LIN9: variants seen among roughly 807,000 people sequenced by gnomAD.
LIN9 encodes the protein protein lin-9 homolog.
LIN9 carries 18 observed loss-of-function variants against 78.0 expected under a neutral mutation model. The observed-to-expected ratio is 0.23, with a 90% CI of 0.16 to 0.34. LIN9 has a LOEUF of 0.34. LIN9 is among the 10% of genes least tolerant of loss of function. The pLI is 1.00. For missense variants in LIN9, 451 were observed against 644.1 expected (o/e 0.70, Z 3.25); for synonymous variants, 192 against 215.2 (o/e 0.89, Z 0.94).
intron 8 of LIN9, 34 bp downstream of exon 8, chr1:226,267,923 A>G (rs1336202964): frequency 6.3e-7 from 1 of 1,595,854 alleles, no homozygotes; most frequent in South Asian, 1.1e-5. Flanking sequence ...TTTAACAGGC[A>G]TAAAACACAA....
rs200174270 is a variant in LIN9, at chr1:226,257,659, GA to G, written c.1039-6741del. 4.2e-3 allele frequency among the ~76,000 whole-genome samples: 631 copies of G among 149,976 alleles called. 26 individuals are homozygous for G. The South Asian group carries it at 0.076, about 18-fold the overall frequency. ...GGGCAACCATTAAAGAAAGCTAAAA[GA>G]AAAAAAAGTATAACCTATATGCTAA... is the stretch of plus-strand genomic sequence containing the variant. On this transcript the variant is annotated intron_variant, in intron 10 of 14. Transcript: ENST00000681046.
chr1:226,250,430 C>T (rs1220569654), intron 11 of LIN9, among the ~76,000 whole-genome samples: 1 of 152,190 alleles, frequency 6.6e-6, no homozygotes, highest in South Asian at 2.1e-4. Context: ...TCCTATTCAA[C>T]TGTACAGTCA....
chr1:226,237,435 C>T (rs1453311895), intron 12 of LIN9, among the ~76,000 whole-genome samples: 1 of 151,372 alleles, frequency 6.6e-6, no homozygotes, highest in Admixed American at 6.6e-5. Context: ...GAGTTTGAGA[C>T]CAGCCTCATC....
chr1:226,291,331 C>T (rs1038879031), intron 4 of LIN9, among the ~76,000 whole-genome samples: 1 of 151,994 alleles, frequency 6.6e-6, no homozygotes. Flanking sequence ...ATCCGATTAT[C>T]TCAATCAATC....
rs1661380914 is a variant in LIN9 at position 226,286,381 on chromosome 1, G to A, written c.476C>T (p.Thr159Ile). The A allele has an allele frequency of 6.2e-7, 1 of 1,612,462 alleles. No individual in the cohort carries two copies. The highest frequency in any genetic ancestry group is 8.5e-7 in the Non-Finnish European group (1 of 1,179,484). ...CCGAATTTTTCCCCATTCTACTCTT[G>A]TTAACTTTCTTGTTTTCAAATTAGG... ...SFPNLKTRKL[T>I]RVEWGKIRRL... The change falls in exon 6 of 15, where the codon ACA becomes ATA. Residue 159 changes from threonine to isoleucine, a missense_variant. By Grantham distance (89) the Thr-to-Ile change is moderately conservative. Coordinates refer to ENST00000681046, the MANE Select transcript of LIN9 (RefSeq NM_001366245.2).
intron 6 of LIN9, among the ~76,000 whole-genome samples, chr1:226,285,686 G>A (rs1294210641): frequency 3.3e-5 from 5 of 152,120 alleles, no homozygotes; most frequent in Non-Finnish European, 7.4e-5. Flanking sequence ...CACATGAAGA[G>A]CAATTCTCAG....
At position 226,241,824 on chromosome 1, in the gene LIN9, C is replaced by T. The variant is rs537656257; in HGVS notation, c.1120-2728G>A. The stretch of plus-strand genomic sequence containing the variant: ...AGTGAACTGAGATCGCGCCACTGCA[C>T]TCCAGCCTGGGCGACAGAGCGAGAC... On this transcript the variant is annotated intron_variant, in intron 11 of 14. Coordinates refer to ENST00000681046, the MANE Select transcript of LIN9 (RefSeq NM_001366245.2). 2.4e-3 allele frequency among the ~76,000 whole-genome samples: 361 copies of T among 151,728 alleles called. 3 individuals are homozygous for T. In the South Asian group the frequency reaches 0.029, roughly 12 times the overall value.
At chr1:226,270,230 C>G (rs959000748) in intron 7 of LIN9, among the ~76,000 whole-genome samples, 1 of 151,940 alleles carries the variant, frequency 6.6e-6, no homozygotes, top group Non-Finnish European at 1.5e-5. Flanking sequence ...CCAGCCCTGA[C>G]CACTAAATTA....
intron 10 of LIN9, among the ~76,000 whole-genome samples, chr1:226,258,167 T>G (rs1365166370): frequency 1.4e-5 from 2 of 141,410 alleles, no homozygotes; most frequent in Non-Finnish European, 3.0e-5. Context: ...AGGGAGACCC[T>G]GTTCTCAAAA....
In LIN9 at chr1:226,231,566, C is replaced by G. The variant is rs1308454543; in HGVS notation, c.*935G>C. On this transcript the variant is annotated 3_prime_UTR_variant, in exon 15 of 15. Transcript: ENST00000681046. The stretch of plus-strand genomic sequence containing the variant: ...TCCTAAAAAAGAAAAACAACCAAAA[C>G]AAGCCTTTCTTCTGCATTTCACAGC... 1 of 152,490 alleles carries G rather than the reference C, an allele frequency of 6.6e-6. No individual in the cohort carries two copies. The highest frequency in any genetic ancestry group is 1.5e-5 in the Non-Finnish European group (1 of 68,006). The allele number at this position is 152,490 out of a possible 1,614,324, so 9.4% of individuals were successfully genotyped here. A position where few individuals can be genotyped will look rare whatever the true frequency, so the allele number is the denominator to read the frequency against.
chr1:226,240,640 T>C lies in LIN9; in HGVS notation c.1120-1544A>G, dbSNP rs139431658. Among the ~76,000 whole-genome samples, 1,099 of 152,168 alleles carry C rather than the reference T, an allele frequency of 7.2e-3. 19 individuals carry two copies. The highest frequency in any genetic ancestry group is 0.025 in the African/African-American group (1,048 of 41,514). On this transcript the variant is annotated intron_variant, in intron 11 of 14. Coordinates refer to ENST00000681046, the MANE Select transcript of LIN9 (RefSeq NM_001366245.2). ...CTGACCTCAAGTGATCTGCCTGCCTTGGCCTCCCTAAGTGCTGGGATTACA... is the reference window on the plus strand; with the variant it reads ...CTGACCTCAAGTGATCTGCCTGCCTCGGCCTCCCTAAGTGCTGGGATTACA...
At chr1:226,239,842 T>C (rs1184080290) in intron 11 of LIN9, among the ~76,000 whole-genome samples, 3 of 152,192 alleles carry the variant, frequency 2.0e-5, no homozygotes, top group African/African-American at 7.2e-5. Flanking sequence ...TTCCAATAAA[T>C]TATACTCTCC....
At chr1:226,285,111 G>GA (rs1482584917) in intron 6 of LIN9, among the ~76,000 whole-genome samples, 1 of 152,080 alleles carries the variant, frequency 6.6e-6, no homozygotes, top group African/African-American at 2.4e-5. Context: ...TAAGAGAATA[G>GA]AAGATCAATT....
chr1:226,308,229 T>C (rs1466254605), intron 1 of LIN9, among the ~76,000 whole-genome samples: 1 of 152,216 alleles, frequency 6.6e-6, no homozygotes, highest in Non-Finnish European at 1.5e-5. Context: ...AAAATTAAGT[T>C]CCATTGCCCT....
At position 226,253,952 on chromosome 1, in the gene LIN9, G is replaced by A. The variant is rs185714161; in HGVS notation, c.1039-3033C>T. ...AAAGAAAGAAAGAAATAATAAGGCCGGGTGTGGTAGCTTATAGCTACCCAG... is the reference window on the plus strand; with the variant it reads ...AAAGAAAGAAAGAAATAATAAGGCCAGGTGTGGTAGCTTATAGCTACCCAG... On this transcript the variant is annotated intron_variant, in intron 10 of 14. Transcript: ENST00000681046. Among the ~76,000 whole-genome samples, 671 of 152,096 alleles carry A rather than the reference G, an allele frequency of 4.4e-3. 5 individuals are homozygous for A. The highest frequency in any genetic ancestry group is 0.015 in the African/African-American group (635 of 41,516).
chr1:226,253,524 A>G (rs1490874032), intron 10 of LIN9, among the ~76,000 whole-genome samples: 1 of 149,862 alleles, frequency 6.7e-6, no homozygotes, highest in African/African-American at 2.4e-5. Context: ...GAACTTCCTG[A>G]CCTCAGGTGA....
intron 4 of LIN9, among the ~76,000 whole-genome samples, chr1:226,288,878 A>AT (rs1358690879): frequency 2.0e-5 from 3 of 151,894 alleles, no homozygotes; most frequent in Middle Eastern, 3.4e-3. Context: ...TGCCAACAGG[A>AT]TTTTTTTTTC....
At chr1:226,237,825 C>T (rs991716435) in intron 12 of LIN9, among the ~76,000 whole-genome samples, 2 of 144,158 alleles carry the variant, frequency 1.4e-5, no homozygotes, top group Non-Finnish European at 1.5e-5. Context: ...TGGTGGTGCA[C>T]AGCTGTAATC....
chr1:226,274,104 A>AT, intron 7 of LIN9, among the ~76,000 whole-genome samples: 1 of 152,226 alleles, frequency 6.6e-6, no homozygotes, highest in African/African-American at 2.4e-5. Context: ...AAATGCTGGG[A>AT]TTACAGGCAT....
Sources: gnomAD v4.1 joint callset for allele counts (sites outside exome capture counted in the v4.1 genomes callset) on GRCh38, gnomAD v4.1.1 for gene constraint, MANE v1.5 for transcripts, NCBI Gene and HGNC (gene_info 2026-07-23, HGNC 2026-07-21) for gene names.